The following OXR1 variants were observed in gnomAD, a reference collection of about 807,000 sequenced individuals.
OXR1 encodes oxidation resistance 1, also known as oxidation resistance protein 1.
A neutral mutation model predicts 104.6 loss-of-function variants in OXR1; 41 were observed. That is an observed-to-expected ratio of 0.39 (90% CI 0.31 to 0.51). OXR1 has a LOEUF of 0.51. Ranked by LOEUF, OXR1 falls within the 20% of genes least tolerant of loss-of-function variation. The pLI is 0.77. For missense variants in OXR1, 955 were observed against 1,031.9 expected, an observed-to-expected ratio of 0.93 and a Z score of 1.02; for synonymous variants, 348 against 348.4, an observed-to-expected ratio of 1.00 and a Z score of 0.01.
chr8:106,325,175 G>A (rs907358306), intron 1 of OXR1, among the ~76,000 whole-genome samples: 1 of 152,154 alleles, frequency 6.6e-6, no homozygotes, highest in African/African-American at 2.4e-5. Context: ...TCCCCCAATA[G>A]AACAATGAAT....
At chr8:106,643,864 C>T (rs1823860697) in intron 3 of OXR1, among the ~76,000 whole-genome samples, 1 of 152,114 alleles carries the variant, frequency 6.6e-6, no homozygotes, top group Non-Finnish European at 1.5e-5. Flanking sequence ...CCGCTCATGT[C>T]TTATGGTTAA....
chr8:106,564,015 A>G (rs936068895), intron 3 of OXR1, among the ~76,000 whole-genome samples: 1 of 152,242 alleles, frequency 6.6e-6, no homozygotes, highest in African/African-American at 2.4e-5. Context: ...TTATAGTACT[A>G]CATGCCCACA....
chr8:106,440,722 TAA>T (rs1819749179), intron 2 of OXR1, among the ~76,000 whole-genome samples: 1 of 152,104 alleles, frequency 6.6e-6, no homozygotes, highest in Non-Finnish European at 1.5e-5. Context: ...AAATAATATT[TAA>T]GAGATTATTC....
chr8:106,635,484 G>A (rs2130912780), intron 3 of OXR1, among the ~76,000 whole-genome samples: 2 of 152,146 alleles, frequency 1.3e-5, no homozygotes, highest in South Asian at 4.2e-4. Flanking sequence ...TTGTTCTGTG[G>A]TCCAGGCTGG....
intron 2 of OXR1, among the ~76,000 whole-genome samples, chr8:106,382,207 G>T (rs1313919877): frequency 6.6e-6 from 1 of 152,076 alleles, no homozygotes; most frequent in East Asian, 1.9e-4. Flanking sequence ...TCTTCATTGT[G>T]AAATCACAAG....
intron 2 of OXR1, among the ~76,000 whole-genome samples, chr8:106,458,596 C>G (rs1820736905): frequency 6.6e-6 from 1 of 152,064 alleles, no homozygotes; most frequent in Admixed American, 6.5e-5. Flanking sequence ...GATCTCAGAA[C>G]TGTAGAGCTA....
At chr8:106,731,286 T>C (rs1396035960) in intron 11 of OXR1, among the ~76,000 whole-genome samples, 3 of 152,198 alleles carry the variant, frequency 2.0e-5, no homozygotes, top group Admixed American at 1.3e-4. Flanking sequence ...TTCCTTCCTA[T>C]CTGTATTCCT....
chr8:106,640,301 C>T (rs867260650), intron 3 of OXR1, among the ~76,000 whole-genome samples: 11 of 150,490 alleles, frequency 7.3e-5, no homozygotes, highest in Non-Finnish European at 1.3e-4. Flanking sequence ...TTTGTATATA[C>T]GTATTTGTGT....
intron 3 of OXR1, among the ~76,000 whole-genome samples, chr8:106,635,942 A>G (rs1257120490): frequency 6.6e-6 from 1 of 152,228 alleles, no homozygotes; most frequent in African/African-American, 2.4e-5. Context: ...TTCACAAGAA[A>G]TGATTCCATG....
At chr8:106,327,434 T>C (rs555654390) in intron 1 of OXR1, among the ~76,000 whole-genome samples, 1 of 152,190 alleles carries the variant, frequency 6.6e-6, no homozygotes, top group Non-Finnish European at 1.5e-5. Context: ...GCTAATTTCC[T>C]TTCTGATTAA....
At chr8:106,512,561 G>T (rs12549912) in intron 2 of OXR1, among the ~76,000 whole-genome samples, 17,676 of 151,938 alleles carry the variant, frequency 0.12, 1,221 homozygotes, top group East Asian at 0.24. Context: ...TTCCAGTGAA[G>T]AACTCAATTA....
chr8:106,412,956 C>T (rs1173990624), intron 2 of OXR1, among the ~76,000 whole-genome samples: 2 of 151,978 alleles, frequency 1.3e-5, no homozygotes, highest in Non-Finnish European at 2.9e-5. Flanking sequence ...TGATACCTTG[C>T]ATTTTTCTGA....
chr8:106,438,998 C>A (rs1157489567), intron 2 of OXR1, among the ~76,000 whole-genome samples: 2 of 152,002 alleles, frequency 1.3e-5, no homozygotes, highest in East Asian at 1.9e-4. Flanking sequence ...CTTCCTGGAG[C>A]AAAATGATGG....
intron 3 of OXR1, among the ~76,000 whole-genome samples, chr8:106,615,501 C>T (rs576024459): frequency 1.5e-4 from 22 of 150,716 alleles, no homozygotes; most frequent in African/African-American, 2.4e-4. Context: ...CCAGTAAGTC[C>T]GGAGGCTGAG....
chr8:106,281,870 G>T (rs1049605744), intron 1 of OXR1, among the ~76,000 whole-genome samples: 1 of 151,176 alleles, frequency 6.6e-6, no homozygotes, highest in Non-Finnish European at 1.5e-5. Flanking sequence ...TGATTATAAG[G>T]GGAGAATATA....
intron 3 of OXR1, among the ~76,000 whole-genome samples, chr8:106,567,845 C>G (rs1455563592): frequency 1.3e-5 from 2 of 152,060 alleles, no homozygotes; most frequent in Admixed American, 6.6e-5. Context: ...TTGCATGAAG[C>G]GATCTATCTG....
At chr8:106,708,571 C>T (rs1831380905) in intron 9 of OXR1, among the ~76,000 whole-genome samples, 1 of 152,108 alleles carries the variant, frequency 6.6e-6, no homozygotes, top group Non-Finnish European at 1.5e-5. Flanking sequence ...TGACATAATG[C>T]CTTCAAAGTT....
chr8:106,401,904 C>A (rs1818018180), intron 2 of OXR1, among the ~76,000 whole-genome samples: 1 of 152,138 alleles, frequency 6.6e-6, no homozygotes. Flanking sequence ...ACCAAGATTC[C>A]TGCAAACTAT....
chr8:106,576,633 G>A (rs1172229069), intron 3 of OXR1, among the ~76,000 whole-genome samples: 1 of 151,920 alleles, frequency 6.6e-6, no homozygotes, highest in Non-Finnish European at 1.5e-5. Context: ...CATAGTTAGG[G>A]GTGATTTTAA....
Sources: allele counts gnomAD v4.1 joint callset (sites outside exome capture counted in the v4.1 genomes callset), GRCh38; gene constraint gnomAD v4.1.1; transcripts MANE v1.5; gene names NCBI Gene and HGNC (gene_info 2026-07-23, HGNC 2026-07-21).